The following FRMD4B variants were observed in gnomAD, a reference collection of about 807,000 sequenced individuals.
The protein encoded by FRMD4B is FERM domain containing 4B.
FRMD4B carries 74 observed loss-of-function variants against 141.5 expected under a neutral mutation model. That is an observed-to-expected ratio of 0.52 (90% CI 0.43 to 0.63). The LOEUF (loss-of-function observed/expected upper bound fraction) is 0.63. FRMD4B is among the 30% of genes least tolerant of loss of function. The probability of loss-of-function intolerance (pLI) is 0.00; values close to 1 mark genes in which losing one functional copy is unlikely to be tolerated. For synonymous variants in FRMD4B, 506 were observed against 467.9 expected (o/e 1.08, Z -1.05); for missense variants, 1,366 against 1,253.4 (o/e 1.09, Z -1.36).
At chr3:69,349,001 G>T (rs1357063061) in intron 1 of FRMD4B, among the ~76,000 whole-genome samples, 1 of 152,154 alleles carries the variant, frequency 6.6e-6, no homozygotes, top group Middle Eastern at 3.4e-3. Flanking sequence ...AAGAAATAAA[G>T]GTATTCATTT....
In FRMD4B at chr3:69,287,799, T is replaced by C. The variant is rs754011818; in HGVS notation, c.454A>G (p.Thr152Ala). 1 of 1,600,156 alleles carries C rather than the reference T, an allele frequency of 6.2e-7. No homozygotes were observed. The highest frequency in any genetic ancestry group is 8.5e-7 in the Non-Finnish European group (1 of 1,170,054). Residue 152 changes from threonine (T) to alanine (A), a missense_variant, in exon 5 of 23, where the codon ACC (threonine) becomes GCC (alanine). Thr to Ala is a moderately conservative substitution (Grantham distance 58). Coordinates refer to ENST00000398540, the MANE Select transcript of FRMD4B (RefSeq NM_015123.3). Reference protein sequence around the residue: ...IESISFLKDKTTVELFFLNAK... With the variant: ...IESISFLKDKATVELFFLNAK... ...TTCAGGAAAAACAGCTCCACGGTGGTTTTATCCTTTAAAAACGATATGCTC... is the reference window on the plus strand; with the variant it reads ...TTCAGGAAAAACAGCTCCACGGTGGCTTTATCCTTTAAAAACGATATGCTC...
At chr3:69,198,363 A>G (rs531292157) in intron 12 of FRMD4B, 18 of 224,446 alleles carry the variant, frequency 8.0e-5, no homozygotes, top group African/African-American at 3.4e-4. Context: ...AGTGCAAATC[A>G]AAACCACAAG....
chr3:69,195,439 T>C, intron 14 of FRMD4B, 75 bp from the exon 15 acceptor site: 1 of 1,247,320 alleles, frequency 8.0e-7, no homozygotes, highest in Non-Finnish European at 1.1e-6. Flanking sequence ...AAAGGATTTT[T>C]AAGCTAAAGC....
intron 1 of FRMD4B, among the ~76,000 whole-genome samples, chr3:69,462,876 G>T (rs1380878308): frequency 6.6e-6 from 1 of 152,154 alleles, no homozygotes; most frequent in Non-Finnish European, 1.5e-5. Flanking sequence ...ATTTCATATG[G>T]CTTCTCCCAA....
chr3:69,249,390 A>C lies in FRMD4B; in HGVS notation c.559-142T>G, dbSNP rs190794605. 144 of 575,986 alleles carry C rather than the reference A, an allele frequency of 2.5e-4. 1 individual carries two copies. The East Asian group carries it at 4.5e-3, about 18-fold the overall frequency. 35.7% of individuals were successfully genotyped at this position (575,986 alleles called of 1,614,324 possible). A position where few individuals can be genotyped will look rare whatever the true frequency, so the allele number is the denominator to read the frequency against. ...TCTCAGGAATGCTCTCCCTATAGGC[A>C]TAAGAAGAATTAGGCATTGATAAGA... On this transcript the variant is annotated intron_variant, in intron 6 of 22. Transcript: ENST00000398540.
chr3:69,190,576 G>A (rs2092824827), intron 17 of FRMD4B, among the ~76,000 whole-genome samples: 1 of 151,994 alleles, frequency 6.6e-6, no homozygotes, highest in Non-Finnish European at 1.5e-5. Flanking sequence ...CACCACGCCT[G>A]GCTAACTTTT....
chr3:69,349,661 A>G (rs1189812548), intron 1 of FRMD4B, among the ~76,000 whole-genome samples: 1 of 152,194 alleles, frequency 6.6e-6, no homozygotes, highest in Non-Finnish European at 1.5e-5. Flanking sequence ...GCCCTCAGAA[A>G]TAATATCACA....
rs1424246885 is a variant in FRMD4B, at chr3:69,216,244, T to C, written c.876+19A>G. 3 of 1,277,044 alleles carry C rather than the reference T, an allele frequency of 2.3e-6. No individual in the cohort carries two copies. Among genetic ancestry groups the C allele is most frequent in the Non-Finnish European group, 3.4e-6 (3 of 889,392 alleles). The allele number at this position is 1,277,044 out of a possible 1,614,324, so 79.1% of individuals were successfully genotyped here. ...TGTTTTGAACAGTTCAAAGTTCTCC[T>C]AAAGTGATCCACACTTACCTTCCGA... On this transcript the variant is annotated intron_variant, in intron 11 of 22. Transcript: ENST00000398540.
intron 2 of FRMD4B, among the ~76,000 whole-genome samples, chr3:69,420,749 A>G (rs1704961147): frequency 6.6e-6 from 1 of 152,196 alleles, no homozygotes; most frequent in African/African-American, 2.4e-5. Flanking sequence ...TTAAGTGGGT[A>G]GTCTACTTTT....
At chr3:69,194,961 T>C (rs914209741) in intron 16 of FRMD4B, 61 bp downstream of exon 16, 9 of 1,502,422 alleles carry the variant, frequency 6.0e-6, no homozygotes, top group African/African-American at 1.4e-5. Flanking sequence ...AAATGTCCAC[T>C]ACACTCAGAC....
chr3:69,514,051 CA>C (rs2107108570), intron 1 of FRMD4B, among the ~76,000 whole-genome samples: 1 of 152,036 alleles, frequency 6.6e-6, no homozygotes, highest in East Asian at 1.9e-4. Context: ...AAGTCCAAGC[CA>C]GAGCAATTAG....
chr3:69,173,578 C>G (rs1008255231), intron 22 of FRMD4B, among the ~76,000 whole-genome samples: 2 of 152,024 alleles, frequency 1.3e-5, no homozygotes, highest in African/African-American at 4.8e-5. Context: ...ATTTATAAAG[C>G]TTTATGAATG....
intron 4 of FRMD4B, among the ~76,000 whole-genome samples, chr3:69,297,191 A>G (rs535008298): frequency 1.3e-4 from 20 of 152,252 alleles, no homozygotes; most frequent in South Asian, 4.2e-4. Context: ...TGCTTCCTCG[A>G]GTTAAGCTCT....
At chr3:69,367,840 G>C (rs1300264080) in intron 1 of FRMD4B, among the ~76,000 whole-genome samples, 1 of 152,206 alleles carries the variant, frequency 6.6e-6, no homozygotes, top group African/African-American at 2.4e-5. Flanking sequence ...CTTGGTCATA[G>C]AGAACAAATA....
intron 1 of FRMD4B, among the ~76,000 whole-genome samples, chr3:69,469,085 A>C (rs1412881654): frequency 6.6e-6 from 1 of 152,206 alleles, no homozygotes; most frequent in East Asian, 1.9e-4. Flanking sequence ...TCCCTTTAAA[A>C]ATAAAACCCA....
intron 2 of FRMD4B, among the ~76,000 whole-genome samples, chr3:69,417,323 A>C (rs1372793015): frequency 6.6e-6 from 1 of 151,856 alleles, no homozygotes; most frequent in Non-Finnish European, 1.5e-5. Context: ...CTTTTTTTTC[A>C]TATGTTTGTT....
intron 1 of FRMD4B, among the ~76,000 whole-genome samples, chr3:69,473,196 C>A (rs1482881770): frequency 6.6e-6 from 1 of 151,936 alleles, no homozygotes; most frequent in Non-Finnish European, 1.5e-5. Context: ...TTGGCATCTG[C>A]TTTCTTTGGC....
At chr3:69,279,171 A>C (rs2093632228) in intron 5 of FRMD4B, among the ~76,000 whole-genome samples, 1 of 152,210 alleles carries the variant, frequency 6.6e-6, no homozygotes, top group African/African-American at 2.4e-5. Context: ...ATATTTGCTA[A>C]GTATTTTACG....
intron 2 of FRMD4B, chr3:69,432,516 C>T (rs1184988317): frequency 1.3e-5 from 2 of 152,156 alleles, no homozygotes; most frequent in Non-Finnish European, 2.9e-5. Flanking sequence ...CATATAACAT[C>T]CTGTCCAAGC....
Sources: allele counts gnomAD v4.1 joint callset (sites outside exome capture counted in the v4.1 genomes callset), GRCh38; gene constraint gnomAD v4.1.1; transcripts MANE v1.5; gene names NCBI Gene and HGNC (gene_info 2026-07-23, HGNC 2026-07-21).